STPG3: variants seen among roughly 807,000 people sequenced by gnomAD.
The protein encoded by STPG3 is sperm-tail PG-rich repeat containing 3, also known as protein STPG3.
A neutral mutation model predicts 32.5 loss-of-function variants in STPG3; 39 were observed. The ratio of observed to expected loss-of-function variants is 1.20; its 90% CI spans 0.93 to 1.57. The LOEUF (loss-of-function observed/expected upper bound fraction) is 1.57, where lower values mean the gene tolerates loss of function less well. STPG3 is among the 40% of genes most tolerant of loss of function. The probability of loss-of-function intolerance (pLI) is 0.00; values close to 1 mark genes in which losing one functional copy is unlikely to be tolerated. For synonymous variants in STPG3, 209 were observed against 172.4 expected, an observed-to-expected ratio of 1.21 and a Z score of -1.66; for missense variants, 507 against 407.6, an observed-to-expected ratio of 1.24 and a Z score of -2.10.
At chr9:137,252,395 G>T (rs770520169) in intron 3 of STPG3, 42 bp from the exon 4 acceptor site, 67 of 1,581,532 alleles carry the variant, frequency 4.2e-5, no homozygotes, top group Non-Finnish European at 5.6e-5. Flanking sequence ...TGTCACCTGG[G>T]TGGGGCTCCC....
chr9:137,252,081 C>G lies in STPG3; in HGVS notation c.349C>G (p.Arg117Gly), dbSNP rs368075675. ...GTACCAGGTGCCGAGCCCGTCCGTA[C>G]GAGAGTCCTCCCCACACCCCCACTA... The part of the protein sequence containing the change: ...TRYQVPSPSV[R>G]ESSPHPHYSI... Residue 117 changes from arginine (R) to glycine (G), a missense_variant, in exon 3 of 6, where the codon CGA becomes GGA. By Grantham distance (125) the Arg-to-Gly change is moderately radical. Transcript: ENST00000412566. 18 of 1,612,718 alleles carry G rather than the reference C, an allele frequency of 1.1e-5. No individual in the cohort carries two copies. Among genetic ancestry groups the G allele is most frequent in the East Asian group, 2.2e-5 (1 of 44,882 alleles).
rs866879147 is a variant in STPG3, at chr9:137,253,437, C to G, written c.*192C>G. 75 of 1,441,328 alleles carry G rather than the reference C, an allele frequency of 5.2e-5. No individual in the cohort carries two copies. The highest frequency in any genetic ancestry group is 6.6e-5 in the Non-Finnish European group (73 of 1,100,126). The allele number at this position is 1,441,328 out of a possible 1,614,324, so 89.3% of individuals were successfully genotyped here. A position where few individuals can be genotyped will look rare whatever the true frequency, so the allele number is the denominator to read the frequency against. On this transcript the variant is annotated 3_prime_UTR_variant, in exon 6 of 6. Coordinates refer to ENST00000412566, the MANE Select transcript of STPG3 (RefSeq NM_001004353.4). ...CAAGGCTGGCCCAGCCTGGATCCCC[C>G]ATCTGCCCATCTCCCCGCTACACTG...
In STPG3 at chr9:137,252,150, C is replaced by T; in HGVS notation, c.403+15C>T. 1 of 1,598,772 alleles carries T rather than the reference C, an allele frequency of 6.3e-7. No homozygotes were observed. The highest frequency in any genetic ancestry group is 1.3e-5 in the African/African-American group (1 of 74,850). ...CCAGGGCCGAGGTGTGTGTCCCCTC[C>T]CTGAGGCCCAACCACCGGGCCTGTC... On this transcript the variant is annotated intron_variant, in intron 3 of 5. Coordinates refer to ENST00000412566, the MANE Select transcript of STPG3 (RefSeq NM_001004353.4).
intron 2 of STPG3, 49 bp from the exon 3 acceptor site, chr9:137,251,952 G>A (rs77141550): frequency 1.9e-6 from 3 of 1,596,522 alleles, no homozygotes; most frequent in African/African-American, 2.7e-5. Context: ...GGCTGTGGGA[G>A]GGGCCCGCTG....
At position 137,252,082 on chromosome 9, in the gene STPG3, G is replaced by A. The variant is rs764319164; in HGVS notation, c.350G>A (p.Arg117Gln). Residue 117 changes from arginine (R) to glutamine (Q), a missense_variant, in exon 3 of 6, where the codon CGA (arginine) becomes CAA (glutamine). Arg to Gln is a conservative substitution (Grantham distance 43). Transcript: ENST00000412566. ...TACCAGGTGCCGAGCCCGTCCGTAC[G>A]AGAGTCCTCCCCACACCCCCACTAC... is the stretch of plus-strand genomic sequence containing the variant. ...TRYQVPSPSV[R>Q]ESSPHPHYSI... The A allele has an allele frequency of 6.2e-6, 10 of 1,612,614 alleles. No homozygotes were observed. The highest frequency in any genetic ancestry group is 3.3e-5 in the Admixed American group (2 of 59,982).
At position 137,252,925 on chromosome 9, in the gene STPG3, G is replaced by C. The variant is rs762529777; in HGVS notation, c.756G>C (p.Ser252=). The C allele has an allele frequency of 1.2e-6, 2 of 1,600,152 alleles. No individual in the cohort carries two copies. The highest frequency in any genetic ancestry group is 1.3e-5 in the African/African-American group (1 of 74,612). The change falls in exon 5 of 6, where the codon TCG becomes TCC. Residue 252 remains serine, a synonymous_variant. Coordinates refer to ENST00000412566, the MANE Select transcript of STPG3 (RefSeq NM_001004353.4). ...AGAGCCCCCGCTCGCCGGCCTTCTCGATGAGCCGCTCCCCTGCGTTCACCT... is the reference window on the plus strand; with the variant it reads ...AGAGCCCCCGCTCGCCGGCCTTCTCCATGAGCCGCTCCCCTGCGTTCACCT... The part of the protein sequence containing the change: ...RLQSPRSPAF[S]MSRSPAFTSW...
Position 137,253,475 on chromosome 9 carries a change from T to C in STPG3, c.*230T>C. The C allele has an allele frequency of 7.0e-7, 1 of 1,432,474 alleles. No individual in the cohort carries two copies. The highest frequency in any genetic ancestry group is 9.1e-7 in the Non-Finnish European group (1 of 1,095,760). 88.7% of individuals were successfully genotyped at this position (1,432,474 alleles called of 1,614,324 possible). A position where few individuals can be genotyped will look rare whatever the true frequency, so the allele number is the denominator to read the frequency against. ...CCCCGCTACACTGAGATGCTGTTGG[T>C]TTTCCCGAGCTCTGTGGTGTGCAGT... On this transcript the variant is annotated 3_prime_UTR_variant, in exon 6 of 6. Transcript: ENST00000412566.
intron 2 of STPG3, 27 bp downstream of exon 2, chr9:137,251,922 C>T (rs1564436890): frequency 6.2e-7 from 1 of 1,600,424 alleles, no homozygotes; most frequent in Non-Finnish European, 8.5e-7. Context: ...GCCACCCCAC[C>T]CCCAAGCTGG....
In STPG3 at chr9:137,251,866, C is replaced by T; in HGVS notation, c.239C>T (p.Pro80Leu). 6.2e-7 allele frequency: 1 copy of T among 1,608,570 alleles called. No individual in the cohort carries two copies. The highest frequency in any genetic ancestry group is 8.5e-7 in the Non-Finnish European group (1 of 1,177,602). Residue 80 changes from proline (P) to leucine (L), a missense_variant, in exon 2 of 6, where the codon CCC becomes CTC. Transcript: ENST00000412566. ...ACGGGCACCCCCCAGGAGTCCCTGCCCACCTACACCCAGACCCTGAGGGAA... is the reference window on the plus strand; with the variant it reads ...ACGGGCACCCCCCAGGAGTCCCTGCTCACCTACACCCAGACCCTGAGGGAA... ...LQTGTPQESL[P>L]TYTQTLRELL...
At position 137,253,280 on chromosome 9, in the gene STPG3, C is replaced by T. The variant is rs570548330; in HGVS notation, c.*35C>T. 7.9e-5 allele frequency: 126 copies of T among 1,585,672 alleles called. No homozygotes were observed. The highest frequency in any genetic ancestry group is 1.0e-4 in the Non-Finnish European group (121 of 1,166,998). On this transcript the variant is annotated 3_prime_UTR_variant, in exon 6 of 6. Transcript: ENST00000412566. ...GGCACAACCTGCTTGGCCCGGCCAC[C>T]GAGTGGAACCATGGCCTCCCCCGGG...
chr9:137,252,915 C>A lies in STPG3; in HGVS notation c.746C>A (p.Pro249Gln). The A allele has an allele frequency of 6.3e-7, 1 of 1,599,346 alleles. No homozygotes were observed. The highest frequency in any genetic ancestry group is 1.1e-5 in the South Asian group (1 of 88,770). The change falls in exon 5 of 6, where the codon CCG becomes CAG. Residue 249 changes from proline (P) to glutamine (Q), a missense_variant. Pro to Gln is a moderately conservative substitution (Grantham distance 76). Coordinates refer to ENST00000412566, the MANE Select transcript of STPG3 (RefSeq NM_001004353.4). ...AGCCGCCTGCAGAGCCCCCGCTCGC[C>A]GGCCTTCTCGATGAGCCGCTCCCCT... The part of the protein sequence containing the change: ...PGSRLQSPRS[P>Q]AFSMSRSPAF...
chr9:137,252,233 C>A, intron 3 of STPG3, 98 bp downstream of exon 3: 2 of 1,482,898 alleles, frequency 1.3e-6, no homozygotes, highest in Admixed American at 2.0e-5. Context: ...GGCCTGAGGG[C>A]CCCTCCACCC....
At position 137,252,008 on chromosome 9, in the gene STPG3, G is replaced by T; in HGVS notation, c.276G>T (p.Glu92Asp). The T allele has an allele frequency of 6.2e-7, 1 of 1,611,202 alleles. No homozygotes were observed. The highest frequency in any genetic ancestry group is 8.5e-7 in the Non-Finnish European group (1 of 1,179,098). ...CTTGCTTCCTGTGGCCAGTGCTGGAGCAACGCCCCCTGATCACAGCTGACC... is the reference window on the plus strand; with the variant it reads ...CTTGCTTCCTGTGGCCAGTGCTGGATCAACGCCCCCTGATCACAGCTGACC... ...YTQTLRELLL[E>D]QRPLITADLE... Residue 92 changes from glutamate to aspartate, a missense_variant, in exon 3 of 6, where the codon GAG (glutamate) becomes GAT (aspartate). By Grantham distance (45) the Glu-to-Asp change is conservative (BLOSUM62 2). Transcript: ENST00000412566.
rs778634486 is a variant in STPG3, at chr9:137,253,267, TTGGC to T, written c.*23_*26del. 112 of 1,595,986 alleles carry T rather than the reference TTGGC, an allele frequency of 7.0e-5. No homozygotes were observed. Among genetic ancestry groups the T allele is most frequent in the Non-Finnish European group, 9.4e-5 (110 of 1,172,148 alleles). ...CTAGAGCCAGCTGGGCACAACCTGC[TTGGC>T]CCGGCCACCGAGTGGAACCATGGCC... On this transcript the variant is annotated 3_prime_UTR_variant, in exon 6 of 6. Coordinates refer to ENST00000412566, the MANE Select transcript of STPG3 (RefSeq NM_001004353.4).
Position 137,252,758 on chromosome 9 carries a change from C to T in STPG3, c.589C>T (p.His197Tyr). ...CTCCGCTTCCAAGACACCTGAAGGC[C>T]ACACCCACCTAGGGCTGCCTGGGGC... is the stretch of plus-strand genomic sequence containing the variant. ...CHSASKTPEG[H>Y]THLGLPGARG... Residue 197 changes from histidine to tyrosine, a missense_variant, in exon 5 of 6, where the codon CAC (histidine) becomes TAC (tyrosine). Coordinates refer to ENST00000412566, the MANE Select transcript of STPG3 (RefSeq NM_001004353.4). 1.3e-6 allele frequency: 2 copies of T among 1,560,714 alleles called. No homozygotes were observed. The highest frequency in any genetic ancestry group is 2.4e-5 in the South Asian group (2 of 84,848).
chr9:137,252,653 C>T lies in STPG3; in HGVS notation c.493-9C>T, dbSNP rs1318929002. The T allele has an allele frequency of 6.5e-6, 10 of 1,538,674 alleles. No individual in the cohort carries two copies. Among genetic ancestry groups the T allele is most frequent in the Non-Finnish European group, 8.8e-6 (10 of 1,138,778 alleles). ...CCTGCCCTGCAGCCCGTCTCCTACC[C>T]CCTCGCAGTGGCCCTCGCCAGCCCA... is the stretch of plus-strand genomic sequence containing the variant. On this transcript the variant is annotated splice_polypyrimidine_tract_variant and intron_variant, in intron 4 of 5. Transcript: ENST00000412566.
Position 137,252,712 on chromosome 9 carries a change from C to A in STPG3, c.543C>A (p.Ala181=). The A allele has an allele frequency of 6.4e-7, 1 of 1,553,506 alleles. No homozygotes were observed. Among genetic ancestry groups the A allele is most frequent in the South Asian group, 1.2e-5 (1 of 84,372 alleles). The part of the protein sequence containing the change: ...YQLLSRPAFP[A]FSFRGCHSAS... ...TGCTCAGCCGGCCCGCCTTCCCCGC[C>A]TTCAGCTTCAGAGGCTGCCACTCCG... is the stretch of plus-strand genomic sequence containing the variant. Residue 181 remains alanine, a synonymous_variant, in exon 5 of 6, where the codon GCC becomes GCA. Transcript: ENST00000412566.
Position 137,253,429 on chromosome 9 carries a change from G to A in STPG3, c.*184G>A. 1 of 1,443,760 alleles carries A rather than the reference G, an allele frequency of 6.9e-7. No homozygotes were observed. The highest frequency in any genetic ancestry group is 2.5e-5 in the East Asian group (1 of 39,814). 89.4% of individuals were successfully genotyped at this position (1,443,760 alleles called of 1,614,324 possible). ...GCTGTGGACAAGGCTGGCCCAGCCT[G>A]GATCCCCCATCTGCCCATCTCCCCG... On this transcript the variant is annotated 3_prime_UTR_variant, in exon 6 of 6. Coordinates refer to ENST00000412566, the MANE Select transcript of STPG3 (RefSeq NM_001004353.4).
Position 137,252,480 on chromosome 9 carries a change from C to T in STPG3, c.447C>T (p.Ser149=), listed in dbSNP as rs768538379. Reference sequence around the variant, plus strand: ...CATGGCAGACTTTGTGGTTCCAGAGCGAAAGCCCCTTCACGCAGAAAGCTG... The same window carrying T: ...CATGGCAGACTTTGTGGTTCCAGAGTGAAAGCCCCTTCACGCAGAAAGCTG... ...RRAWQTLWFQ[S]ESPFTQKADF... Residue 149 remains serine, a synonymous_variant, in exon 4 of 6, where the codon AGC becomes AGT. Transcript: ENST00000412566. The T allele has an allele frequency of 5.6e-6, 9 of 1,610,026 alleles. No individual in the cohort carries two copies. The highest frequency in any genetic ancestry group is 2.7e-5 in the African/African-American group (2 of 74,550).
Sources: gnomAD v4.1 joint callset for allele counts on GRCh38, gnomAD v4.1.1 for gene constraint, MANE v1.5 for transcripts, NCBI Gene and HGNC (gene_info 2026-07-23, HGNC 2026-07-21) for gene names.